NKD1: variants seen among roughly 807,000 people sequenced by gnomAD.
The protein encoded by NKD1 is protein naked cuticle homolog 1.
In NKD1, 21 loss-of-function variants were observed where a neutral mutation model predicts 56.0. That is an observed-to-expected ratio of 0.38 (90% confidence interval 0.27 to 0.54). The LOEUF (loss-of-function observed/expected upper bound fraction) is 0.54, where lower values mean the gene tolerates loss of function less well. Among genes scored for constraint, NKD1 ranks in the 20% least tolerant of loss-of-function variants. The pLI is 0.82. For synonymous variants in NKD1, 263 were observed against 265.7 expected (o/e 0.99, Z 0.10); for missense variants, 578 against 642.7 (o/e 0.90, Z 1.09).
intron 3 of NKD1, among the ~76,000 whole-genome samples, chr16:50,591,328 G>C (rs1451797348): frequency 6.6e-6 from 1 of 152,214 alleles, no homozygotes; most frequent in Non-Finnish European, 1.5e-5. Flanking sequence ...AGGGTTGGGT[G>C]CTGGGTTGAT....
intron 3 of NKD1, among the ~76,000 whole-genome samples, chr16:50,605,849 C>A (rs1262244794): frequency 6.6e-6 from 1 of 152,078 alleles, no homozygotes; most frequent in Non-Finnish European, 1.5e-5. Flanking sequence ...TAAGTGTCAG[C>A]TGTTTGATTA....
chr16:50,623,443 G>A lies in NKD1; in HGVS notation c.366+1735G>A, dbSNP rs1009378337. On this transcript the variant is annotated intron_variant, in intron 5 of 9. Transcript: ENST00000268459. This position sits in a 1 kb window ranked among gnomAD's most constrained non-coding sequence, Gnocchi z 4.1. ...CTAAGCCCACCTGGGTCCTTGTAGG[G>A]TCTTTTGGGGAGCTTGGCAAAGCCC... is the stretch of plus-strand genomic sequence containing the variant. 6.6e-6 allele frequency among the ~76,000 whole-genome samples: 1 copy of A among 152,128 alleles called. No homozygotes were observed. The highest frequency in any genetic ancestry group is 6.5e-5 in the Admixed American group (1 of 15,286).
intron 3 of NKD1, among the ~76,000 whole-genome samples, chr16:50,565,202 C>T (rs1261989730): frequency 3.3e-5 from 5 of 151,820 alleles, no homozygotes; most frequent in Non-Finnish European, 7.4e-5. Context: ...GGTGAAACCC[C>T]GTGTTTCCTT....
At chr16:50,574,051 T>TAGAC (rs10635144) in intron 3 of NKD1, 44,551 of 858,046 alleles carry the variant, frequency 0.052, 2,304 homozygotes, top group African/African-American at 0.24. Flanking sequence ...CTTTTTGAAA[T>TAGAC]AGTCTCACTC....
intron 3 of NKD1, among the ~76,000 whole-genome samples, chr16:50,576,641 A>C (rs1369991146): frequency 6.6e-6 from 1 of 151,958 alleles, no homozygotes. Context: ...TGTGGCTTTT[A>C]CGGTGGTGAT....
At chr16:50,549,680 C>T (rs1219631117) in intron 3 of NKD1, 125 bp downstream of exon 3, 3 of 981,170 alleles carry the variant, frequency 3.1e-6, no homozygotes, top group East Asian at 3.1e-5. Flanking sequence ...AATCTCTTCT[C>T]AGCTGCCCCC....
chr16:50,567,317 A>T (rs1174757250), intron 3 of NKD1, among the ~76,000 whole-genome samples: 2 of 152,358 alleles, frequency 1.3e-5, no homozygotes, highest in East Asian at 3.9e-4. Flanking sequence ...GTGTTCTGAA[A>T]GATTCCCAGT....
intron 3 of NKD1, among the ~76,000 whole-genome samples, chr16:50,565,790 A>G (rs551208185): frequency 1.3e-5 from 2 of 152,344 alleles, no homozygotes; most frequent in South Asian, 4.1e-4. Flanking sequence ...TTCTTAATAC[A>G]TAACTTTTTA....
chr16:50,571,005 T>C (rs543061786), intron 3 of NKD1: 1 of 985,264 alleles, frequency 1.0e-6, no homozygotes, highest in African/African-American at 1.7e-5. Context: ...CGGACCCTCC[T>C]GGGTGTGCAC....
Position 50,633,890 on chromosome 16 carries a change from AATT to A in NKD1, c.*113_*115del. ...TATTATGATGATTATTGTTATTAATAATTATTGTTACTCCACTAATATTTAGCT... is the reference window on the plus strand; with the variant it reads ...TATTATGATGATTATTGTTATTAATAATTGTTACTCCACTAATATTTAGCT... On this transcript the variant is annotated 3_prime_UTR_variant, in exon 10 of 10. Coordinates refer to ENST00000268459, the MANE Select transcript of NKD1 (RefSeq NM_033119.5). The surrounding 1 kb of genome is among the most constrained non-coding windows in gnomAD (Gnocchi z 4.9). 1 of 580,542 alleles carries A rather than the reference AATT, an allele frequency of 1.7e-6. No individual in the cohort carries two copies. Among genetic ancestry groups the A allele is most frequent in the Non-Finnish European group, 2.9e-6 (1 of 339,088 alleles). 36.0% of individuals were successfully genotyped at this position (580,542 alleles called of 1,614,324 possible).
At chr16:50,558,719 C>CAAAAAAAAA (rs1186061460) in intron 3 of NKD1, 19 of 40,044 alleles carry the variant, frequency 4.7e-4, no homozygotes, top group Admixed American at 7.1e-4. Context: ...GCTAAAAATA[C>CAAAAAAAAA]AAAAAAAAAA....
In NKD1 at chr16:50,608,350, T is replaced by C; in HGVS notation, c.249T>C (p.Phe83=). 5 of 1,612,440 alleles carry C rather than the reference T, an allele frequency of 3.1e-6. No homozygotes were observed. The Middle Eastern group carries it at 8.3e-4, about 266-fold the overall frequency. The stretch of plus-strand genomic sequence containing the variant: ...TCAGCGAGGAAGAGGAGGACGACTT[T>C]CGGCTGGAAGGTATTCGGAGTCCAT... ...DTLSEEEEDD[F]RLEVALPPEK... Residue 83 remains phenylalanine, a synonymous_variant, in exon 4 of 10, where the codon TTT becomes TTC. Coordinates refer to ENST00000268459, the MANE Select transcript of NKD1 (RefSeq NM_033119.5).
chr16:50,633,114 G>T lies in NKD1; in HGVS notation c.824-78G>T. On this transcript the variant is annotated intron_variant, in intron 9 of 9. Transcript: ENST00000268459. The surrounding 1 kb of genome is among the most constrained non-coding windows in gnomAD (Gnocchi z 4.9). ...GCTCTGGTTTTGGAGAACTGGGGGC[G>T]GGGGTGATGTCTGGGGTATAGCGCA... 2 of 1,328,124 alleles carry T rather than the reference G, an allele frequency of 1.5e-6. No individual in the cohort carries two copies. Among genetic ancestry groups the T allele is most frequent in the Non-Finnish European group, 2.0e-6 (2 of 984,288 alleles). 82.3% of individuals were successfully genotyped at this position (1,328,124 alleles called of 1,614,324 possible). A position where few individuals can be genotyped will look rare whatever the true frequency, so the allele number is the denominator to read the frequency against.
At chr16:50,585,561 C>T (rs540847468) in intron 3 of NKD1, among the ~76,000 whole-genome samples, 81 of 152,312 alleles carry the variant, frequency 5.3e-4, no homozygotes, top group Admixed American at 2.6e-3. Context: ...CTTCTGAGGC[C>T]GTGGAGCTGG....
rs982748112 is a variant in NKD1 at position 50,592,360 on chromosome 16, C to T, written c.193-15934C>T. 6.2e-4 allele frequency among the ~76,000 whole-genome samples: 95 copies of T among 152,346 alleles called. 1 individual carries two copies. Among genetic ancestry groups the T allele is most frequent in the African/African-American group, 2.2e-3 (92 of 41,582 alleles). On this transcript the variant is annotated intron_variant, in intron 3 of 9. Transcript: ENST00000268459. ...GGGTCCTAGCCCTGCCCCATGCCCT[C>T]CCCACTCCATGATTCATAGTTTCAC...
chr16:50,575,124 G>GGT (rs1960965884), intron 3 of NKD1: 2 of 982,402 alleles, frequency 2.0e-6, no homozygotes, highest in Non-Finnish European at 2.4e-6. Context: ...TAGCCAAGAA[G>GGT]TATATTCTAA....
chr16:50,548,605 C>A (rs1265209433), intron 1 of NKD1, 27 bp downstream of exon 1: 1 of 1,451,406 alleles, frequency 6.9e-7, no homozygotes, highest in African/African-American at 1.5e-5. Context: ...GCGCGCTCGC[C>A]CCGGGCCCCG....
intron 3 of NKD1, among the ~76,000 whole-genome samples, chr16:50,594,774 T>G (rs892833850): frequency 6.8e-6 from 1 of 146,650 alleles, no homozygotes; most frequent in African/African-American, 2.5e-5. Flanking sequence ...AGGTGTGAGC[T>G]GCTGGTGGGG....
Position 50,632,023 on chromosome 16 carries a change from C to T in NKD1, c.696-258C>T, listed in dbSNP as rs920490688. On this transcript the variant is annotated intron_variant, in intron 8 of 9. Transcript: ENST00000268459. The surrounding 1 kb of genome is among the most constrained non-coding windows in gnomAD (Gnocchi z 4.1). Reference sequence around the variant, plus strand: ...ACGTTTGCTTTGAACCTGTTCAGAGCAAAACCCCGTCCACTCCTCCCAGAA... The same window carrying T: ...ACGTTTGCTTTGAACCTGTTCAGAGTAAAACCCCGTCCACTCCTCCCAGAA... Among the ~76,000 whole-genome samples, 2 of 152,222 alleles carry T rather than the reference C, an allele frequency of 1.3e-5. No individual in the cohort carries two copies. Among genetic ancestry groups the T allele is most frequent in the African/African-American group, 4.8e-5 (2 of 41,464 alleles).
Sources: allele counts gnomAD v4.1 joint callset (sites outside exome capture counted in the v4.1 genomes callset), GRCh38; gene constraint gnomAD v4.1.1; non-coding constraint Gnocchi (gnomAD v3.1); transcripts MANE v1.5; gene names NCBI Gene and HGNC (gene_info 2026-07-23, HGNC 2026-07-21).